LMCD1: variants seen among roughly 807,000 people sequenced by gnomAD.
LMCD1 encodes the protein LIM and cysteine-rich domains protein 1.
In LMCD1, 32 loss-of-function variants were observed where a neutral mutation model predicts 42.7. That is an observed-to-expected ratio of 0.75 (90% CI 0.57 to 1.01). The LOEUF (loss-of-function observed/expected upper bound fraction) is 1.01. Ranked by LOEUF, LMCD1 falls within the 50% of genes least tolerant of loss-of-function variation. The pLI, the probability that LMCD1 is intolerant of heterozygous loss-of-function variation, is 0.00. For synonymous variants in LMCD1, 178 were observed against 184.9 expected (o/e 0.96, Z 0.30); for missense variants, 458 against 483.1 (o/e 0.95, Z 0.49).
At chr3:8,547,811 G>A (rs988311009) in intron 3 of LMCD1, among the ~76,000 whole-genome samples, 3 of 151,428 alleles carry the variant, frequency 2.0e-5, no homozygotes, top group Non-Finnish European at 4.4e-5. Flanking sequence ...GCGTGAACCC[G>A]GGAGGCAGAG....
At chr3:8,554,813 G>A (rs924134179) in intron 4 of LMCD1, among the ~76,000 whole-genome samples, 4 of 152,154 alleles carry the variant, frequency 2.6e-5, no homozygotes, top group African/African-American at 9.7e-5. Context: ...GATTTCCCGG[G>A]TATGGTCATT....
rs143134820 is a variant in LMCD1 at position 8,548,744 on chromosome 3, A to G, written c.564A>G (p.Gln188=). The change falls in exon 4 of 6, where the codon CAA becomes CAG. Residue 188 remains glutamine, a synonymous_variant. Coordinates refer to ENST00000157600, the MANE Select transcript of LMCD1 (RefSeq NM_014583.4). ...AACTGATGGAAGAATTTGTCAAGCA[A>G]TATAAGAGCGAGGCCCTCGGCGTGG... ...ELKLMEEFVK[Q]YKSEALGVGE... is the part of the protein sequence containing the mutation. The G allele has an allele frequency of 6.2e-7, 1 of 1,614,118 alleles. No individual in the cohort carries two copies. Among genetic ancestry groups the G allele is most frequent in the Non-Finnish European group, 8.5e-7 (1 of 1,179,980 alleles).
intron 4 of LMCD1, chr3:8,549,999 T>C (rs1694811640): frequency 1.3e-6 from 2 of 1,495,630 alleles, no homozygotes; most frequent in Admixed American, 3.9e-5. Flanking sequence ...AATACTGCCA[T>C]GCAGAGGATT....
rs191485248 is a variant in LMCD1, at chr3:8,539,429, G to A, written c.387+1989G>A. ...TTAGTACTAGACAGGGGCTTGTCCC[G>A]GGCCACAGAGTGTGGCCACAGAACA... On this transcript the variant is annotated intron_variant, in intron 3 of 5. Transcript: ENST00000157600. 3.5e-4 allele frequency among the ~76,000 whole-genome samples: 53 copies of A among 152,236 alleles called. 2 individuals carry two copies. The highest frequency in any genetic ancestry group is 5.0e-4 in the Non-Finnish European group (34 of 68,018).
At chr3:8,556,585 C>T (rs1694936446) in intron 4 of LMCD1, among the ~76,000 whole-genome samples, 1 of 152,192 alleles carries the variant, frequency 6.6e-6, no homozygotes, top group Admixed American at 6.5e-5. Flanking sequence ...CTGACACAGA[C>T]TCTAATTAAC....
At chr3:8,537,502 A>C in intron 3 of LMCD1, 62 bp downstream of exon 3, 3 of 1,479,534 alleles carry the variant, frequency 2.0e-6, no homozygotes, top group Non-Finnish European at 2.7e-6. Context: ...AGCCATGTCA[A>C]GTGTTTCTGA....
At chr3:8,510,286 G>A (rs1185147770) in intron 1 of LMCD1, among the ~76,000 whole-genome samples, 5 of 152,104 alleles carry the variant, frequency 3.3e-5, no homozygotes, top group Non-Finnish European at 5.9e-5. Context: ...CACGGCACAC[G>A]GGTGCTCCCC....
chr3:8,527,629 A>G (rs1694325317), intron 1 of LMCD1, among the ~76,000 whole-genome samples: 1 of 152,176 alleles, frequency 6.6e-6, no homozygotes, highest in Non-Finnish European at 1.5e-5. Flanking sequence ...TTGACCAATA[A>G]TCTTTAATAA....
At chr3:8,558,488 A>G (rs1241952263) in intron 4 of LMCD1, among the ~76,000 whole-genome samples, 1 of 152,212 alleles carries the variant, frequency 6.6e-6, no homozygotes, top group African/African-American at 2.4e-5. Context: ...CACATCCTCT[A>G]CCCAGGTGGG....
In LMCD1 at chr3:8,501,881, G is replaced by C; in HGVS notation, c.-58G>C. The C allele has an allele frequency of 6.6e-7, 1 of 1,524,514 alleles. No homozygotes were observed. The highest frequency in any genetic ancestry group is 8.9e-7 in the Non-Finnish European group (1 of 1,123,072). The allele number at this position is 1,524,514 out of a possible 1,614,324, so 94.4% of individuals were successfully genotyped here. On this transcript the variant is annotated 5_prime_UTR_variant, in exon 1 of 6. Transcript: ENST00000157600. Reference sequence around the variant, plus strand: ...CCATTCAGCCGCCGCTGTCCCCGCTGCGCGCCCTCGCGCCTCTGCCTGAGA... The same window carrying C: ...CCATTCAGCCGCCGCTGTCCCCGCTCCGCGCCCTCGCGCCTCTGCCTGAGA...
chr3:8,550,698 G>C (rs1694824868), intron 4 of LMCD1: 1 of 983,274 alleles, frequency 1.0e-6, no homozygotes, highest in Admixed American at 6.2e-5. Flanking sequence ...AAAAATATTA[G>C]ATCTAGTTAC....
In LMCD1 at chr3:8,519,195, A is replaced by G. The variant is rs78101379; in HGVS notation, c.43-13542A>G. The stretch of plus-strand genomic sequence containing the variant: ...TTATATACATAATTAAATAATTACC[A>G]TCATGGTAGATACTACAAAATACAA... On this transcript the variant is annotated intron_variant, in intron 1 of 5. Transcript: ENST00000157600. 4.5e-3 allele frequency among the ~76,000 whole-genome samples: 692 copies of G among 152,316 alleles called. 23 individuals carry two copies. The East Asian group carries it at 0.091, about 20-fold the overall frequency.
intron 3 of LMCD1, among the ~76,000 whole-genome samples, chr3:8,548,286 A>G (rs1694775058): frequency 6.6e-6 from 1 of 152,148 alleles, no homozygotes; most frequent in Non-Finnish European, 1.5e-5. Context: ...CACTCCCTAC[A>G]TACACAAGGT....
At chr3:8,529,045 T>G (rs1694354930) in intron 1 of LMCD1, among the ~76,000 whole-genome samples, 1 of 152,186 alleles carries the variant, frequency 6.6e-6, no homozygotes, top group Non-Finnish European at 1.5e-5. Flanking sequence ...TGGTTTCTTT[T>G]AAACTCTTCT....
intron 1 of LMCD1, among the ~76,000 whole-genome samples, chr3:8,515,437 G>A (rs147260101): frequency 6.6e-6 from 1 of 152,230 alleles, no homozygotes; most frequent in East Asian, 1.9e-4. Flanking sequence ...TCCTCGTGTG[G>A]ACTTACTCTC....
intron 3 of LMCD1, among the ~76,000 whole-genome samples, chr3:8,545,498 C>T (rs532971805): frequency 6.6e-6 from 1 of 152,326 alleles, no homozygotes; most frequent in East Asian, 1.9e-4. Flanking sequence ...CGTCCTCTGG[C>T]CTTTCCTCAG....
chr3:8,530,949 C>G (rs1694400323), intron 1 of LMCD1, among the ~76,000 whole-genome samples: 1 of 152,196 alleles, frequency 6.6e-6, no homozygotes, highest in African/African-American at 2.4e-5. Flanking sequence ...CAACATGACT[C>G]TCACTCCCTG....
rs907967639 is a variant in LMCD1, at chr3:8,571,318, A to G, written c.*3720A>G. The stretch of plus-strand genomic sequence containing the variant: ...TAGTACAAATCCTGGCAACTAAATG[A>G]AAGAACAAACAACCTGGGGTTCTGG... On this transcript the variant is annotated 3_prime_UTR_variant, in exon 6 of 6. Coordinates refer to ENST00000157600, the MANE Select transcript of LMCD1 (RefSeq NM_014583.4). 3.9e-5 allele frequency: 6 copies of G among 152,228 alleles called. No homozygotes were observed. Among genetic ancestry groups the G allele is most frequent in the African/African-American group, 1.4e-4 (6 of 41,454 alleles). 9.4% of individuals were successfully genotyped at this position (152,228 alleles called of 1,614,324 possible). A position where few individuals can be genotyped will look rare whatever the true frequency, so the allele number is the denominator to read the frequency against.
intron 1 of LMCD1, among the ~76,000 whole-genome samples, chr3:8,504,935 C>A (rs114608168): frequency 5.3e-5 from 8 of 152,202 alleles, no homozygotes; most frequent in Non-Finnish European, 7.3e-5. Context: ...CCAGCTCCCC[C>A]ACTTACTAGC....
Sources: allele counts gnomAD v4.1 joint callset (sites outside exome capture counted in the v4.1 genomes callset), GRCh38; gene constraint gnomAD v4.1.1; transcripts MANE v1.5; gene names NCBI Gene and HGNC (gene_info 2026-07-23, HGNC 2026-07-21).